RXRA: variants seen among roughly 807,000 people sequenced by gnomAD.
The protein encoded by RXRA is retinoic acid receptor RXR-alpha.
A neutral mutation model predicts 44.5 loss-of-function variants in RXRA; 5 were observed. That is an observed-to-expected ratio of 0.11 (90% CI 0.06 to 0.24). RXRA has a LOEUF of 0.24. RXRA is among the 10% of genes least tolerant of loss of function. The pLI is 1.00. For missense variants in RXRA, 412 were observed against 646.5 expected (o/e 0.64, Z 3.93); for synonymous variants, 291 against 271.4 (o/e 1.07, Z -0.71).
intron 1 of RXRA, among the ~76,000 whole-genome samples, chr9:134,339,905 C>A (rs1454900767): frequency 6.6e-6 from 1 of 151,428 alleles, no homozygotes; most frequent in Non-Finnish European, 1.5e-5. Context: ...CTGTGTGTGT[C>A]TGTGTGTGAA....
At chr9:134,432,206 G>A (rs1831543435) in intron 8 of RXRA, among the ~76,000 whole-genome samples, 1 of 151,436 alleles carries the variant, frequency 6.6e-6, no homozygotes, top group African/African-American at 2.4e-5. Context: ...TGGTCCCTGG[G>A]CACAGGGGGA....
chr9:134,425,634 T>C (rs1831421550), intron 6 of RXRA: 10 of 982,184 alleles, frequency 1.0e-5, no homozygotes, highest in Non-Finnish European at 1.1e-5. Flanking sequence ...GGGCCAGGCT[T>C]AGGTAGCAGG....
chr9:134,424,405 C>T (rs534273980), intron 6 of RXRA: 1 of 985,428 alleles, frequency 1.0e-6, no homozygotes, highest in Admixed American at 6.1e-5. Flanking sequence ...CCTGACCTCC[C>T]CCTGGGCGCC....
chr9:134,396,917 C>T (rs1352135255), intron 1 of RXRA, among the ~76,000 whole-genome samples: 1 of 152,212 alleles, frequency 6.6e-6, no homozygotes, highest in African/African-American at 2.4e-5. Flanking sequence ...TTCCCCTCTC[C>T]AAGGGCCGGA....
intron 1 of RXRA, among the ~76,000 whole-genome samples, chr9:134,391,829 G>A (rs1324713708): frequency 1.3e-5 from 2 of 152,210 alleles, no homozygotes; most frequent in Admixed American, 6.5e-5. Flanking sequence ...GCGTTGACCC[G>A]GCAGCTCTTG....
chr9:134,370,997 A>G (rs2119080775), intron 1 of RXRA, among the ~76,000 whole-genome samples: 1 of 151,780 alleles, frequency 6.6e-6, no homozygotes, highest in Non-Finnish European at 1.5e-5. Context: ...CTTGGGGAAG[A>G]GGCCGCATCA....
intron 4 of RXRA, among the ~76,000 whole-genome samples, chr9:134,410,706 T>TG (rs34107054): frequency 0.098 from 14,911 of 151,610 alleles, 2,387 homozygotes; most frequent in African/African-American, 0.34. Context: ...TGGCTGGAGC[T>TG]GGGGGGGGAA....
chr9:134,371,181 CG>C (rs1830487358), intron 1 of RXRA, among the ~76,000 whole-genome samples: 1 of 152,218 alleles, frequency 6.6e-6, no homozygotes, highest in Non-Finnish European at 1.5e-5. Flanking sequence ...TCCCTCCCAC[CG>C]GCCCAGTGGG....
At chr9:134,395,415 C>T (rs1047977774) in intron 1 of RXRA, among the ~76,000 whole-genome samples, 4 of 152,228 alleles carry the variant, frequency 2.6e-5, no homozygotes, top group East Asian at 3.8e-4. Context: ...GCATGTGTCA[C>T]GGAAGGTTGG....
chr9:134,400,225 G>A (rs932537640), intron 1 of RXRA, among the ~76,000 whole-genome samples: 13 of 152,312 alleles, frequency 8.5e-5, no homozygotes, highest in East Asian at 1.9e-4. Flanking sequence ...GCTTCCTCCC[G>A]CTCTAGCCTG....
intron 6 of RXRA, chr9:134,422,426 A>G: frequency 7.9e-7 from 1 of 1,257,886 alleles, no homozygotes; most frequent in Non-Finnish European, 1.0e-6. Context: ...CTCTCCCTGG[A>G]CGCTCCCCTC....
chr9:134,425,985 A>G (rs1400538651), intron 6 of RXRA: 2 of 985,032 alleles, frequency 2.0e-6, no homozygotes, highest in Admixed American at 1.2e-4. Flanking sequence ...CTGACCCTTG[A>G]CTCTGTGCTG....
rs532803182 is a variant in RXRA, at chr9:134,423,578, G to T, written c.910+1773G>T. 9 of 985,340 alleles carry T rather than the reference G, an allele frequency of 9.1e-6. No homozygotes were observed. The South Asian group carries it at 4.2e-4, about 46-fold the overall frequency. 61.0% of individuals were successfully genotyped at this position (985,340 alleles called of 1,614,324 possible). On this transcript the variant is annotated intron_variant, in intron 6 of 9. Coordinates refer to ENST00000481739, the MANE Select transcript of RXRA (RefSeq NM_002957.6). ...TCTTCTGGCCATACTGGGCCCCGCC[G>T]GAGGAGCCAGGATAATCTCCCATCT...
chr9:134,413,756 G>A (rs3118531), intron 4 of RXRA, among the ~76,000 whole-genome samples: 131,343 of 152,174 alleles, frequency 0.86, 57,093 homozygotes, highest in African/African-American at 0.97. Context: ...GTGGCAGGTC[G>A]GAGATGTCCT....
intron 1 of RXRA, chr9:134,401,329 G>T: frequency 2.3e-6 from 1 of 437,810 alleles, no homozygotes; most frequent in South Asian, 2.4e-5. Flanking sequence ...GAGTGCTGAG[G>T]GTTGGAGCGA....
chr9:134,404,183 G>A, intron 2 of RXRA: 1 of 152,270 alleles, frequency 6.6e-6, no homozygotes, highest in Non-Finnish European at 1.5e-5. Flanking sequence ...TCTGACTTCT[G>A]CTGCTGTTGG....
intron 1 of RXRA, among the ~76,000 whole-genome samples, chr9:134,335,931 GC>G (rs1829994814): frequency 6.6e-6 from 1 of 152,172 alleles, no homozygotes; most frequent in South Asian, 2.1e-4. Flanking sequence ...TTGCCCGGGA[GC>G]CCCCTGTGTG....
intron 1 of RXRA, chr9:134,374,262 T>G (rs2119087802): frequency 6.6e-6 from 1 of 152,454 alleles, no homozygotes; most frequent in South Asian, 2.1e-4. Flanking sequence ...CGGCGGCCGC[T>G]GTGCCCCAGT....
chr9:134,360,028 C>T (rs1830329919), intron 1 of RXRA, among the ~76,000 whole-genome samples: 1 of 152,194 alleles, frequency 6.6e-6, no homozygotes, highest in South Asian at 2.1e-4. Flanking sequence ...GGGAATGGAG[C>T]GGTAACCGGA....
Sources: allele counts gnomAD v4.1 joint callset (sites outside exome capture counted in the v4.1 genomes callset), GRCh38; gene constraint gnomAD v4.1.1; transcripts MANE v1.5; gene names NCBI Gene and HGNC (gene_info 2026-07-23, HGNC 2026-07-21).